The following PAK3 variants were observed in gnomAD, a reference collection of about 807,000 sequenced individuals.
The protein encoded by PAK3 is serine/threonine-protein kinase PAK 3.
PAK3 carries 4 observed loss-of-function variants against 41.0 expected under a neutral mutation model. That is an observed-to-expected ratio of 0.10 (90% confidence interval 0.05 to 0.22). The LOEUF is 0.22. Among genes scored for constraint, PAK3 ranks in the 10% least tolerant of loss-of-function variants. The probability of loss-of-function intolerance (pLI) is 1.00; values close to 1 mark genes in which losing one functional copy is unlikely to be tolerated. For synonymous variants in PAK3, 146 were observed against 139.6 expected, an observed-to-expected ratio of 1.05 and a Z score of -0.32; for missense variants, 205 against 409.9, an observed-to-expected ratio of 0.50 and a Z score of 4.32.
intron 4 of PAK3, among the ~76,000 whole-genome samples, chrX:111,120,744 T>G (rs1166912687): frequency 8.9e-6 from 1 of 112,217 alleles, no homozygotes; most frequent in East Asian, 2.8e-4. Flanking sequence ...AATGTTCAGT[T>G]TCTCTGCAAT....
intron 16 of PAK3, among the ~76,000 whole-genome samples, chrX:111,214,443 G>A (rs1227051270): frequency 1.8e-5 from 2 of 111,853 alleles, no homozygotes; most frequent in East Asian, 5.6e-4. Context: ...TGATTCTAAT[G>A]TTCAGACAAG....
chrX:110,950,478 A>G (rs1282251145), intron 1 of PAK3, among the ~76,000 whole-genome samples: 1 of 111,441 alleles, frequency 9.0e-6, no homozygotes, highest in Non-Finnish European at 1.9e-5. Flanking sequence ...TTACATAGGT[A>G]TACATGTGCC....
intron 4 of PAK3, among the ~76,000 whole-genome samples, chrX:111,116,393 G>T (rs906225878): frequency 2.7e-5 from 3 of 111,100 alleles, no homozygotes; most frequent in Non-Finnish European, 3.8e-5. Context: ...ATAATGCATC[G>T]GTTTGCAAAT....
chrX:111,118,616 GGT>G (rs1338096977), intron 4 of PAK3, among the ~76,000 whole-genome samples: 8 of 111,054 alleles, frequency 7.2e-5, no homozygotes, highest in Non-Finnish European at 1.1e-4. Context: ...TTGTGTGGCT[GGT>G]GGTTTTGGAG....
chrX:111,015,951 G>A (rs1376066164), intron 1 of PAK3, among the ~76,000 whole-genome samples: 1 of 112,087 alleles, frequency 8.9e-6, no homozygotes, highest in Middle Eastern at 4.6e-3. Flanking sequence ...CCACACAGAA[G>A]TTTTTAAGTT....
rs2094937012 is a variant in PAK3, at chrX:111,223,312, A to G, written c.*2865A>G. The G allele has an allele frequency of 9.1e-6, 1 of 110,052 alleles. No individual in the cohort carries two copies. 9.1% of individuals were successfully genotyped at this position (110,052 alleles called of 1,213,427 possible). A position where few individuals can be genotyped will look rare whatever the true frequency, so the allele number is the denominator to read the frequency against. On this transcript the variant is annotated 3_prime_UTR_variant, in exon 18 of 18. Transcript: ENST00000372007. ...AGCACAGTAGAGATTATTTATTTAA[A>G]AAAGGAAAGAACGTTAATGTTGTTA... is the stretch of plus-strand genomic sequence containing the variant.
chrX:110,955,193 A>T (rs1602524101), intron 1 of PAK3, among the ~76,000 whole-genome samples: 1 of 112,256 alleles, frequency 8.9e-6, no homozygotes, highest in East Asian at 2.8e-4. Flanking sequence ...TACGTATGGG[A>T]CCAAATCCAT....
At chrX:111,037,126 A>C (rs2092407905) in intron 1 of PAK3, among the ~76,000 whole-genome samples, 1 of 111,048 alleles carries the variant, frequency 9.0e-6, no homozygotes, top group African/African-American at 3.3e-5. Context: ...TGTATTTTTA[A>C]TAGGGACAGA....
intron 1 of PAK3, among the ~76,000 whole-genome samples, chrX:110,999,856 C>T (rs2091816857): frequency 9.0e-6 from 1 of 110,507 alleles, no homozygotes; most frequent in Non-Finnish European, 1.9e-5. Context: ...CGCCTGTAAT[C>T]CCAGCTACTT....
At chrX:111,094,121 T>C (rs1286890059), upstream of PAK3, among the ~76,000 whole-genome samples, 1 of 110,740 alleles carries the variant, frequency 9.0e-6, no homozygotes, top group Non-Finnish European at 1.9e-5. Context: ...AAGATATCTG[T>C]AAAATCACTG....
chrX:111,176,904 G>T (rs1603352719), intron 11 of PAK3, among the ~76,000 whole-genome samples: 1 of 98,723 alleles, frequency 1.0e-5, no homozygotes, highest in African/African-American at 3.6e-5. Flanking sequence ...TTAGTAGATT[G>T]TTTTTCCTCA....
chrX:111,095,007 C>A (rs1036939187), upstream of PAK3, among the ~76,000 whole-genome samples: 1 of 111,092 alleles, frequency 9.0e-6, no homozygotes, highest in East Asian at 2.8e-4. Context: ...CTCTTTTGTA[C>A]GACTTTTACT....
chrX:111,010,815 C>A (rs1223924757), intron 1 of PAK3, among the ~76,000 whole-genome samples: 1 of 111,947 alleles, frequency 8.9e-6, no homozygotes, highest in Non-Finnish European at 1.9e-5. Context: ...TTAGGCATTT[C>A]TTTACAGCAA....
At chrX:110,966,654 T>C (rs2091087778) in intron 1 of PAK3, among the ~76,000 whole-genome samples, 1 of 111,130 alleles carries the variant, frequency 9.0e-6, no homozygotes, top group African/African-American at 3.3e-5. Flanking sequence ...TAATATACAA[T>C]TATGTGAGAA....
At chrX:111,180,301 A>G (rs888907923) in intron 11 of PAK3, among the ~76,000 whole-genome samples, 28 of 111,461 alleles carry the variant, frequency 2.5e-4, no homozygotes, top group African/African-American at 8.5e-4. Flanking sequence ...TAGTTTTGAC[A>G]GAGGTCTTTT....
intron 1 of PAK3, among the ~76,000 whole-genome samples, chrX:111,056,166 G>C (rs899678564): frequency 1.5e-4 from 17 of 111,630 alleles, no homozygotes; most frequent in Non-Finnish European, 7.5e-5. Flanking sequence ...GAGAATCAGT[G>C]CATGGAGTTT....
At chrX:110,969,140 G>T (rs753684449) in intron 1 of PAK3, among the ~76,000 whole-genome samples, 8 of 81,158 alleles carry the variant, frequency 9.9e-5, no homozygotes, top group African/African-American at 3.8e-4. Context: ...TAGAGACAGG[G>T]TTTCACAATG....
intron 1 of PAK3, among the ~76,000 whole-genome samples, chrX:111,087,047 G>T (rs2092891101): frequency 9.1e-6 from 1 of 110,382 alleles, no homozygotes; most frequent in South Asian, 3.9e-4. Context: ...CTAGCAACTT[G>T]CCCCCTTTCC....
chrX:111,044,776 C>T (rs1431947481), intron 1 of PAK3, among the ~76,000 whole-genome samples: 1 of 112,480 alleles, frequency 8.9e-6, no homozygotes, highest in African/African-American at 3.2e-5. Context: ...GTCCTGTCAT[C>T]TGTGACTACC....
Sources: gnomAD v4.1 joint callset for allele counts (sites outside exome capture counted in the v4.1 genomes callset) on GRCh38, gnomAD v4.1.1 for gene constraint, MANE v1.5 for transcripts, NCBI Gene and HGNC (gene_info 2026-07-23, HGNC 2026-07-21) for gene names.